The following SEC14L1 variants were observed in gnomAD, a reference collection of about 807,000 sequenced individuals.
SEC14L1 encodes the protein SEC14-like protein 1.
A neutral mutation model predicts 85.3 loss-of-function variants in SEC14L1; 48 were observed. The observed-to-expected ratio is 0.56, with a 90% CI of 0.45 to 0.72. SEC14L1 has a LOEUF of 0.72. Ranked by LOEUF, SEC14L1 falls within the 30% of genes least tolerant of loss-of-function variation. The pLI is 0.00. For missense variants in SEC14L1, 682 were observed against 921.4 expected (o/e 0.74, Z 3.36); for synonymous variants, 391 against 355.5 (o/e 1.10, Z -1.12).
At chr17:77,120,182 A>G (rs933135180) in intron 3 of SEC14L1, among the ~76,000 whole-genome samples, 1 of 152,164 alleles carries the variant, frequency 6.6e-6, no homozygotes, top group Admixed American at 6.6e-5. Context: ...GACCAGCCTG[A>G]GCAACATAGT....
chr17:77,093,578 C>T (rs1156342087), intron 3 of SEC14L1: 1 of 152,232 alleles, frequency 6.6e-6, no homozygotes, highest in African/African-American at 2.4e-5. Flanking sequence ...CAGGTGGGTT[C>T]AAACGACCCA....
intron 3 of SEC14L1, among the ~76,000 whole-genome samples, chr17:77,149,959 A>C (rs1973483418): frequency 6.6e-6 from 1 of 152,116 alleles, no homozygotes; most frequent in African/African-American, 2.4e-5. Context: ...GAATAACCAA[A>C]AAACCTGCTT....
intron 3 of SEC14L1, among the ~76,000 whole-genome samples, chr17:77,118,007 A>G (rs889203997): frequency 6.6e-6 from 1 of 152,238 alleles, no homozygotes; most frequent in Non-Finnish European, 1.5e-5. Context: ...GCAAAGCTTC[A>G]TCTAATCTCA....
rs545987834 is a variant in SEC14L1, at chr17:77,203,745, T to A, written c.1098+87T>A. The A allele has an allele frequency of 2.6e-5, 25 of 960,328 alleles. No homozygotes were observed. The South Asian group carries it at 3.4e-4, about 13-fold the overall frequency. 59.5% of individuals were successfully genotyped at this position (960,328 alleles called of 1,614,324 possible). A position where few individuals can be genotyped will look rare whatever the true frequency, so the allele number is the denominator to read the frequency against. On this transcript the variant is annotated intron_variant, in intron 10 of 16. Transcript: ENST00000436233. ...AGGATTGGGGTGTTAACCAGCCTGT[T>A]AGAACAAACATGAATTGCTTATGTA...
chr17:77,183,260 T>A (rs2143752193), intron 3 of SEC14L1, among the ~76,000 whole-genome samples: 1 of 152,378 alleles, frequency 6.6e-6, no homozygotes, highest in East Asian at 1.9e-4. Flanking sequence ...GTAATGCTCA[T>A]TTTTTAAAAA....
At chr17:77,195,477 CCTGA>C (rs1450382986) in intron 7 of SEC14L1, among the ~76,000 whole-genome samples, 1 of 151,952 alleles carries the variant, frequency 6.6e-6, no homozygotes, top group African/African-American at 2.4e-5. Context: ...TGCCACCACG[CCTGA>C]CTAATTTTTT....
chr17:77,141,566 A>G (rs1345757888), intron 1 of SEC14L1: 2 of 152,066 alleles, frequency 1.3e-5, no homozygotes, highest in Non-Finnish European at 2.9e-5. Flanking sequence ...GCTCCTGTTT[A>G]AACAGCGATT....
chr17:77,145,095 A>ATGTGTGTGTG (rs1475438189), intron 3 of SEC14L1: 1 of 44,612 alleles, frequency 2.2e-5, no homozygotes, highest in South Asian at 9.5e-4. Context: ...GTGTGTGTGT[A>ATGTGTGTGTG]TGTATGTGTG....
chr17:77,119,974 T>C (rs1278930566), intron 3 of SEC14L1, among the ~76,000 whole-genome samples: 1 of 152,194 alleles, frequency 6.6e-6, no homozygotes, highest in Admixed American at 6.5e-5. Context: ...GGATTTGCCC[T>C]AAGAATACTT....
chr17:77,116,350 T>G (rs1018478297), intron 3 of SEC14L1, among the ~76,000 whole-genome samples: 1 of 151,994 alleles, frequency 6.6e-6, no homozygotes, highest in South Asian at 2.1e-4. Flanking sequence ...ACTATAATAA[T>G]GATGTGAGTA....
intron 11 of SEC14L1, among the ~76,000 whole-genome samples, chr17:77,205,562 G>A (rs1217517393): frequency 6.6e-6 from 1 of 152,206 alleles, no homozygotes; most frequent in Non-Finnish European, 1.5e-5. Context: ...GGGTTGGCCT[G>A]TCTGCTTAGT....
chr17:77,171,576 T>C (rs1567907966), intron 3 of SEC14L1, among the ~76,000 whole-genome samples: 1 of 152,242 alleles, frequency 6.6e-6, no homozygotes, highest in Non-Finnish European at 1.5e-5. Context: ...TATGTCCCTG[T>C]GGACTAAGTT....
intron 3 of SEC14L1, among the ~76,000 whole-genome samples, chr17:77,159,494 T>C (rs1460223741): frequency 6.7e-6 from 1 of 148,636 alleles, no homozygotes; most frequent in Non-Finnish European, 1.5e-5. Context: ...GATTCTTCTC[T>C]CTCAGCCTCC....
chr17:77,197,563 G>A (rs542277695), intron 8 of SEC14L1, among the ~76,000 whole-genome samples: 4 of 151,852 alleles, frequency 2.6e-5, no homozygotes, highest in Non-Finnish European at 4.4e-5. Flanking sequence ...GTTGGCAAAA[G>A]CACCATTGCC....
chr17:77,209,604 T>C (rs1234575655), intron 14 of SEC14L1, 128 bp downstream of exon 14: 1 of 940,392 alleles, frequency 1.1e-6, no homozygotes. Context: ...TCTTTAGGCT[T>C]TTGTTGACAC....
intron 3 of SEC14L1, among the ~76,000 whole-genome samples, chr17:77,107,692 G>A (rs1044914844): frequency 3.3e-5 from 5 of 152,150 alleles, no homozygotes; most frequent in African/African-American, 9.7e-5. Context: ...TCCCGGTGAC[G>A]TAAAGGTGCC....
chr17:77,145,079 GTGTGTGTGTGTGTGTATGTA>G (rs770337797), intron 3 of SEC14L1: 9,075 of 77,968 alleles, frequency 0.12, 345 homozygotes, highest in East Asian at 0.17. Flanking sequence ...TGGCTAATTT[GTGTGTGTGTGTGTGTATGTA>G]TGTGTGTGTG....
intron 3 of SEC14L1, among the ~76,000 whole-genome samples, chr17:77,167,370 A>G (rs1436770040): frequency 6.6e-6 from 1 of 152,084 alleles, no homozygotes; most frequent in East Asian, 1.9e-4. Context: ...CTTGGCCTCA[A>G]GTGATCCACC....
intron 5 of SEC14L1, among the ~76,000 whole-genome samples, chr17:77,192,194 C>T (rs931478270): frequency 2.6e-5 from 4 of 152,126 alleles, no homozygotes; most frequent in African/African-American, 7.2e-5. Context: ...AGAATAGTGC[C>T]GAGAGTGTTT....
Sources: gnomAD v4.1 joint callset for allele counts (sites outside exome capture counted in the v4.1 genomes callset) on GRCh38, gnomAD v4.1.1 for gene constraint, MANE v1.5 for transcripts, NCBI Gene and HGNC (gene_info 2026-07-23, HGNC 2026-07-21) for gene names.